Variants in CA12 observed in about 807,000 individuals in gnomAD.
CA12 encodes the protein carbonic anhydrase 12, also known as carbonate dehydratase XII.
Under a neutral mutation model 46.8 loss-of-function variants are expected in CA12, and 36 were observed. The observed-to-expected ratio is 0.77, with a 90% CI of 0.59 to 1.02. The LOEUF (loss-of-function observed/expected upper bound fraction) is 1.02, where lower values mean the gene tolerates loss of function less well. Ranked by LOEUF, CA12 falls within the 50% of genes least tolerant of loss-of-function variation. CA12 has a pLI of 0.00. For missense variants in CA12, 436 were observed against 451.4 expected, an observed-to-expected ratio of 0.97 and a Z score of 0.31; for synonymous variants, 202 against 187.0, an observed-to-expected ratio of 1.08 and a Z score of -0.65.
Position 63,340,337 on chromosome 15 carries a change from G to T in CA12, c.698C>A (p.Thr233Asn). 1 of 1,614,218 alleles carries T rather than the reference G, an allele frequency of 6.2e-7. No homozygotes were observed. The highest frequency in any genetic ancestry group is 1.1e-5 in the South Asian group (1 of 91,084). Residue 233 changes from threonine to asparagine, a missense_variant, in exon 7 of 11, where the codon ACT becomes AAT. Transcript: ENST00000178638. This position sits in a 1 kb window ranked among gnomAD's most constrained non-coding sequence, Gnocchi z 4.4. ...GSLTTPPCNP[T>N]VLWTVFRNPV... Reference sequence around the variant, plus strand: ...GTTTCGGAAAACTGTCCAGAGCACAGTGGGGTTGCAAGGGGGTGTGGTCAG... The same window carrying T: ...GTTTCGGAAAACTGTCCAGAGCACATTGGGGTTGCAAGGGGGTGTGGTCAG...
rs2039186123 is a variant in CA12, at chr15:63,348,709, G to C, written c.107-2000C>G. Among the ~76,000 whole-genome samples the C allele has an allele frequency of 1.3e-5, 2 of 152,220 alleles. No homozygotes were observed. The highest frequency in any genetic ancestry group is 3.9e-4 in the East Asian group (2 of 5,192). On this transcript the variant is annotated intron_variant, in intron 2 of 10. Coordinates refer to ENST00000178638, the MANE Select transcript of CA12 (RefSeq NM_001218.5). This position sits in a 1 kb window ranked among gnomAD's most constrained non-coding sequence, Gnocchi z 4.6. ...AAGGGTTTTCTTTTCCCACAGTGGA[G>C]GTTCAAAAAGGTTTCATCAAGAGGG...
chr15:63,360,635 A>G (rs1179671234), intron 2 of CA12, among the ~76,000 whole-genome samples: 1 of 152,092 alleles, frequency 6.6e-6, no homozygotes, highest in Non-Finnish European at 1.5e-5. Context: ...TGCCATCCTC[A>G]TCCCTAAAAC....
At position 63,372,800 on chromosome 15, in the gene CA12, G is replaced by A. The variant is rs960607113; in HGVS notation, c.106+2858C>T. Among the ~76,000 whole-genome samples the A allele has an allele frequency of 3.9e-5, 6 of 152,166 alleles. No individual in the cohort carries two copies. The highest frequency in any genetic ancestry group is 1.9e-4 in the East Asian group (1 of 5,204). On this transcript the variant is annotated intron_variant, in intron 2 of 10. Transcript: ENST00000178638. This position sits in a 1 kb window ranked among gnomAD's most constrained non-coding sequence, Gnocchi z 4.5. ...GTCTTCCATCTGTCCTCTCCTGCAC[G>A]TCCCCTCTGAGGGCTGACTCCACAT...
chr15:63,340,319 A>C lies in CA12; in HGVS notation c.716T>G (p.Phe239Cys), dbSNP rs936312433. Reference protein sequence around the residue: ...PCNPTVLWTVFRNPVQISQEQ... With the variant: ...PCNPTVLWTVCRNPVQISQEQ... ...CTGGGAAATTTGCACGGGGTTTCGGAAAACTGTCCAGAGCACAGTGGGGTT... is the reference window on the plus strand; with the variant it reads ...CTGGGAAATTTGCACGGGGTTTCGGCAAACTGTCCAGAGCACAGTGGGGTT... Residue 239 changes from phenylalanine (F) to cysteine (C), a missense_variant, in exon 7 of 11, where the codon TTC (phenylalanine) becomes TGC (cysteine). Transcript: ENST00000178638. The surrounding 1 kb of genome is among the most constrained non-coding windows in gnomAD (Gnocchi z 4.4). The C allele has an allele frequency of 1.9e-6, 3 of 1,614,084 alleles. No homozygotes were observed. In the Admixed American group the frequency reaches 5.0e-5, roughly 27 times the overall value.
Position 63,329,780 on chromosome 15 carries a change from C to G in CA12, c.875-1650G>C, listed in dbSNP as rs1251953964. On this transcript the variant is annotated intron_variant, in intron 8 of 10. Coordinates refer to ENST00000178638, the MANE Select transcript of CA12 (RefSeq NM_001218.5). This position sits in a 1 kb window ranked among gnomAD's most constrained non-coding sequence, Gnocchi z 4.8. ...AAGGACTCTCCCTTGGGGCCCTTAA[C>G]AGCCTGGGGAACCAGATCTGAGGCT... Among the ~76,000 whole-genome samples the G allele has an allele frequency of 6.6e-6, 1 of 152,220 alleles. No individual in the cohort carries two copies. The highest frequency in any genetic ancestry group is 1.5e-5 in the Non-Finnish European group (1 of 68,038).
rs2039523730 is a variant in CA12 at position 63,372,782 on chromosome 15, A to G, written c.106+2876T>C. ...GAGTTTGCCTCCTTAGCTGTCTTCC[A>G]TCTGTCCTCTCCTGCACGTCCCCTC... On this transcript the variant is annotated intron_variant, in intron 2 of 10. Coordinates refer to ENST00000178638, the MANE Select transcript of CA12 (RefSeq NM_001218.5). The surrounding 1 kb of genome is among the most constrained non-coding windows in gnomAD (Gnocchi z 4.5). Among the ~76,000 whole-genome samples, 1 of 152,158 alleles carries G rather than the reference A, an allele frequency of 6.6e-6. No individual in the cohort carries two copies. The highest frequency in any genetic ancestry group is 2.4e-5 in the African/African-American group (1 of 41,442).
intron 2 of CA12, among the ~76,000 whole-genome samples, chr15:63,353,872 T>C (rs1393936495): frequency 2.6e-5 from 4 of 152,162 alleles, no homozygotes; most frequent in Non-Finnish European, 4.4e-5. Flanking sequence ...AAAAACATGT[T>C]TAAAATATAT....
In CA12 at chr15:63,348,600, T is replaced by C. The variant is rs1311747062; in HGVS notation, c.107-1891A>G. The stretch of plus-strand genomic sequence containing the variant: ...CAGGGCGGAAGCTGCCAGCCAGGCA[T>C]GAATGCAAAAAACTCAGGAAGTAAA... On this transcript the variant is annotated intron_variant, in intron 2 of 10. Coordinates refer to ENST00000178638, the MANE Select transcript of CA12 (RefSeq NM_001218.5). The surrounding 1 kb of genome is among the most constrained non-coding windows in gnomAD (Gnocchi z 4.6). 6.6e-6 allele frequency among the ~76,000 whole-genome samples: 1 copy of C among 152,186 alleles called. No individual in the cohort carries two copies. Among genetic ancestry groups the C allele is most frequent in the Non-Finnish European group, 1.5e-5 (1 of 68,032 alleles).
chr15:63,350,363 A>G (rs1369671065), intron 2 of CA12, among the ~76,000 whole-genome samples: 1 of 152,198 alleles, frequency 6.6e-6, no homozygotes, highest in Admixed American at 6.5e-5. Context: ...GTCAGCTTTC[A>G]CACTCATGCC....
chr15:63,346,924 G>A (rs1185715260), intron 2 of CA12, among the ~76,000 whole-genome samples: 4 of 152,160 alleles, frequency 2.6e-5, no homozygotes, highest in Admixed American at 2.6e-4. Context: ...GAAGGACTAG[G>A]GCTGCACAGG....
At position 63,327,667 on chromosome 15, in the gene CA12, T is replaced by A. The variant is rs969055184; in HGVS notation, c.907+431A>T. On this transcript the variant is annotated intron_variant, in intron 9 of 10. Transcript: ENST00000178638. This position sits in a 1 kb window ranked among gnomAD's most constrained non-coding sequence, Gnocchi z 4.5. Reference sequence around the variant, plus strand: ...GCTACACAAATAAGAACTTACTCTGTCTTTGCCTGCTGGATTTAAGGCCCA... The same window carrying A: ...GCTACACAAATAAGAACTTACTCTGACTTTGCCTGCTGGATTTAAGGCCCA... Among the ~76,000 whole-genome samples the A allele has an allele frequency of 6.6e-6, 1 of 152,156 alleles. No individual in the cohort carries two copies. The highest frequency in any genetic ancestry group is 6.5e-5 in the Admixed American group (1 of 15,270).
At chr15:63,379,394 G>A (rs184422273) in intron 1 of CA12, among the ~76,000 whole-genome samples, 36 of 152,290 alleles carry the variant, frequency 2.4e-4, no homozygotes, top group Middle Eastern at 3.4e-3. Flanking sequence ...GTGTGTGCAC[G>A]CGCACGAAAG....
At chr15:63,364,323 C>G (rs1234335339) in intron 2 of CA12, among the ~76,000 whole-genome samples, 2 of 49,964 alleles carry the variant, frequency 4.0e-5, no homozygotes, top group Admixed American at 4.2e-4. Context: ...CAGTGAAACC[C>G]CGTCACTAGA....
intron 8 of CA12, among the ~76,000 whole-genome samples, chr15:63,333,261 C>A (rs987196448): frequency 5.3e-5 from 8 of 152,224 alleles, no homozygotes; most frequent in Non-Finnish European, 1.0e-4. Flanking sequence ...CGGCTAGGGC[C>A]CCATCACCAA....
At chr15:63,351,803 C>T (rs1050239227) in intron 2 of CA12, among the ~76,000 whole-genome samples, 2 of 152,226 alleles carry the variant, frequency 1.3e-5, no homozygotes, top group African/African-American at 4.8e-5. Context: ...TGTTAGCCTG[C>T]CTCACCTGTG....
Position 63,324,482 on chromosome 15 carries a change from A to G in CA12, c.*1803T>C, listed in dbSNP as rs2038839700. ...GGTTGTCCTTGTCATCTGATGATGC[A>G]TGAGGCATGCTAATGGCAAGGCCGG... is the stretch of plus-strand genomic sequence containing the variant. On this transcript the variant is annotated 3_prime_UTR_variant, in exon 11 of 11. Transcript: ENST00000178638. The G allele has an allele frequency of 6.6e-6, 1 of 152,218 alleles. No individual in the cohort carries two copies. The highest frequency in any genetic ancestry group is 2.4e-5 in the African/African-American group (1 of 41,434). The allele number at this position is 152,218 out of a possible 1,614,324, so 9.4% of individuals were successfully genotyped here. A position where few individuals can be genotyped will look rare whatever the true frequency, so the allele number is the denominator to read the frequency against.
Position 63,381,818 on chromosome 15 carries a change from G to A in CA12, c.-98C>T. Reference sequence around the variant, plus strand: ...CACCGGGACCGCGTGCGCGCAGCCTGGGTGCCGTGGCGAGTACGTCCGCCC... The same window carrying A: ...CACCGGGACCGCGTGCGCGCAGCCTAGGTGCCGTGGCGAGTACGTCCGCCC... On this transcript the variant is annotated 5_prime_UTR_variant, in exon 1 of 11. Transcript: ENST00000178638. 1.3e-6 allele frequency: 1 copy of A among 778,000 alleles called. No homozygotes were observed. 48.2% of individuals were successfully genotyped at this position (778,000 alleles called of 1,614,324 possible).
chr15:63,338,793 C>A, intron 8 of CA12, 26 bp downstream of exon 8: 1 of 1,613,410 alleles, frequency 6.2e-7, no homozygotes, highest in Non-Finnish European at 8.5e-7. Context: ...CCCGCACCCC[C>A]TCCCCCCAGC....
rs976825309 is a variant in CA12, at chr15:63,321,706, G to A, written c.*4579C>T. The A allele has an allele frequency of 2.6e-5, 4 of 152,416 alleles. No individual in the cohort carries two copies. The highest frequency in any genetic ancestry group is 1.9e-4 in the East Asian group (1 of 5,172). The allele number at this position is 152,416 out of a possible 1,614,324, so 9.4% of individuals were successfully genotyped here. A position where few individuals can be genotyped will look rare whatever the true frequency, so the allele number is the denominator to read the frequency against. ...CAGCAGGAAGGCCACGTGACAACGG[G>A]AGGGGCACTCCTGTGTGTGTAGGGG... On this transcript the variant is annotated 3_prime_UTR_variant, in exon 11 of 11. Transcript: ENST00000178638. This position sits in a 1 kb window ranked among gnomAD's most constrained non-coding sequence, Gnocchi z 4.5.
Sources: gnomAD v4.1 joint callset for allele counts (sites outside exome capture counted in the v4.1 genomes callset) on GRCh38, gnomAD v4.1.1 for gene constraint, Gnocchi (gnomAD v3.1) non-coding constraint, MANE v1.5 for transcripts, NCBI Gene and HGNC (gene_info 2026-07-23, HGNC 2026-07-21) for gene names.